The following CNTN1 variants were observed in gnomAD, a reference collection of about 807,000 sequenced individuals.
CNTN1 encodes contactin 1.
In CNTN1, 38 loss-of-function variants were observed where a neutral mutation model predicts 126.4. The observed-to-expected ratio is 0.30, with a 90% CI of 0.23 to 0.39. The LOEUF is 0.39. CNTN1 is among the 10% of genes least tolerant of loss of function. CNTN1 has a pLI of 1.00. For synonymous variants in CNTN1, 413 were observed against 422.6 expected (o/e 0.98, Z 0.28); for missense variants, 1,009 against 1,248.4 (o/e 0.81, Z 2.89).
At chr12:40,765,939 A>C (rs541576105) in intron 1 of CNTN1, among the ~76,000 whole-genome samples, 1 of 152,358 alleles carries the variant, frequency 6.6e-6, no homozygotes, top group African/African-American at 2.4e-5. Context: ...AGTCCTGGGC[A>C]AAAGATATAT....
At chr12:40,711,675 TCTC>T (rs139158273) in intron 1 of CNTN1, among the ~76,000 whole-genome samples, 2,460 of 151,802 alleles carry the variant, frequency 0.016, 33 homozygotes, top group African/African-American at 0.042. Context: ...CTTTGTTTCT[TCTC>T]CTCCTCCTCC....
Position 40,910,059 on chromosome 12 carries a change from T to A in CNTN1, c.62-14T>A. The A allele has an allele frequency of 6.3e-7, 1 of 1,598,394 alleles. No homozygotes were observed. The highest frequency in any genetic ancestry group is 1.3e-5 in the African/African-American group (1 of 74,754). ...TTGCTTCAGGATCAAAATTGTTTTT[T>A]CTTTCATTTTTAGAGTTTACATGGT... On this transcript the variant is annotated splice_polypyrimidine_tract_variant and intron_variant, in intron 2 of 23. Coordinates refer to ENST00000551295, the MANE Select transcript of CNTN1 (RefSeq NM_001843.4).
At chr12:40,914,406 GA>G (rs1358398072) in intron 3 of CNTN1, among the ~76,000 whole-genome samples, 1 of 152,164 alleles carries the variant, frequency 6.6e-6, no homozygotes, top group Non-Finnish European at 1.5e-5. Flanking sequence ...ATGCAATACA[GA>G]TGCTTGTTTT....
chr12:40,910,265 CTGTT>C (rs949579021), intron 3 of CNTN1, among the ~76,000 whole-genome samples, 160 bp downstream of exon 3: 1 of 152,154 alleles, frequency 6.6e-6, no homozygotes, highest in African/African-American at 2.4e-5. Flanking sequence ...TATAAGCAAA[CTGTT>C]TGTTGAATGA....
At chr12:40,945,382 A>G (rs1946398108) in intron 14 of CNTN1, among the ~76,000 whole-genome samples, 1 of 152,092 alleles carries the variant, frequency 6.6e-6, no homozygotes, top group South Asian at 2.1e-4. Flanking sequence ...TTCATTTTAA[A>G]GGAAAAAAGT....
chr12:41,059,429 T>G (rs1224893298), intron 23 of CNTN1, among the ~76,000 whole-genome samples: 1 of 152,206 alleles, frequency 6.6e-6, no homozygotes, highest in African/African-American at 2.4e-5. Context: ...TCTAGTCATT[T>G]TCAACTCTCA....
intron 1 of CNTN1, among the ~76,000 whole-genome samples, chr12:40,892,703 T>A (rs1944282000): frequency 6.6e-6 from 1 of 152,158 alleles, no homozygotes; most frequent in Non-Finnish European, 1.5e-5. Context: ...AGTCCACTTC[T>A]GCAAGGGCAA....
intron 23 of CNTN1, among the ~76,000 whole-genome samples, chr12:41,053,452 T>TATATATATATAA (rs1440341392): frequency 1.5e-5 from 2 of 130,492 alleles, no homozygotes; most frequent in East Asian, 4.2e-4. Context: ...TATATATATA[T>TATATATATATAA]ATATATATAT....
At chr12:40,927,049 A>C (rs1945719021) in intron 6 of CNTN1, among the ~76,000 whole-genome samples, 2 of 107,388 alleles carry the variant, frequency 1.9e-5, no homozygotes, top group Non-Finnish European at 4.1e-5. Context: ...ATGGAATATC[A>C]ATTTATGATT....
chr12:41,015,645 A>G (rs1370436549), intron 18 of CNTN1, among the ~76,000 whole-genome samples: 2 of 152,076 alleles, frequency 1.3e-5, no homozygotes, highest in African/African-American at 2.4e-5. Flanking sequence ...CCTATTTAAT[A>G]TAAGTATGTC....
At chr12:41,018,781 G>A (rs1948840936) in intron 19 of CNTN1, among the ~76,000 whole-genome samples, 1 of 151,928 alleles carries the variant, frequency 6.6e-6, no homozygotes, top group Admixed American at 6.6e-5. Flanking sequence ...ATAAAATGTA[G>A]AAATAATTTG....
At chr12:40,830,488 T>C (rs1380235110) in intron 1 of CNTN1, among the ~76,000 whole-genome samples, 1 of 151,572 alleles carries the variant, frequency 6.6e-6, no homozygotes, top group Non-Finnish European at 1.5e-5. Flanking sequence ...AAACATAAGA[T>C]TTTGAAAGAA....
intron 23 of CNTN1, among the ~76,000 whole-genome samples, chr12:41,037,663 T>TACACACACACACACAC (rs55890336): frequency 6.9e-6 from 1 of 144,404 alleles, no homozygotes; most frequent in Non-Finnish European, 1.5e-5. Flanking sequence ...GTGTGTTTAA[T>TACACACACACACACAC]ACACACACAC....
intron 15 of CNTN1, among the ~76,000 whole-genome samples, chr12:40,964,302 A>G (rs1223799935): frequency 2.6e-5 from 4 of 152,192 alleles, no homozygotes; most frequent in African/African-American, 7.2e-5. Context: ...CGACTTTGCT[A>G]TCTAAACTTT....
intron 23 of CNTN1, among the ~76,000 whole-genome samples, chr12:41,060,187 A>G (rs1949909851): frequency 6.6e-6 from 1 of 152,186 alleles, no homozygotes; most frequent in African/African-American, 2.4e-5. Flanking sequence ...GTCTCCACAA[A>G]AAAAGAGAAG....
intron 1 of CNTN1, among the ~76,000 whole-genome samples, chr12:40,875,723 T>C (rs1403901790): frequency 6.6e-6 from 1 of 152,134 alleles, no homozygotes; most frequent in Non-Finnish European, 1.5e-5. Context: ...TAGTAGATCA[T>C]GGTATGTAAG....
At chr12:40,919,593 A>AT (rs1328270250) in intron 4 of CNTN1, among the ~76,000 whole-genome samples, 3 of 152,152 alleles carry the variant, frequency 2.0e-5, no homozygotes, top group Admixed American at 2.0e-4. Context: ...TAATTTTAAT[A>AT]TTTTTTCCTT....
chr12:40,826,541 C>T (rs1239245602), intron 1 of CNTN1, among the ~76,000 whole-genome samples: 1 of 152,156 alleles, frequency 6.6e-6, no homozygotes, highest in Non-Finnish European at 1.5e-5. Flanking sequence ...GTTTTAGCAT[C>T]TTTATCAGTC....
intron 17 of CNTN1, among the ~76,000 whole-genome samples, chr12:41,000,298 T>C (rs1036379443): frequency 6.6e-6 from 1 of 152,210 alleles, no homozygotes; most frequent in Non-Finnish European, 1.5e-5. Flanking sequence ...TTTAGAGTTA[T>C]TTTTGAAATT....
Sources: allele counts gnomAD v4.1 joint callset (sites outside exome capture counted in the v4.1 genomes callset), GRCh38; gene constraint gnomAD v4.1.1; transcripts MANE v1.5; gene names NCBI Gene and HGNC (gene_info 2026-07-23, HGNC 2026-07-21).